Variants in ZNF385D observed in about 807,000 individuals in gnomAD.
ZNF385D encodes zinc finger protein 659.
Under a neutral mutation model 35.8 loss-of-function variants are expected in ZNF385D, and 15 were observed. The ratio of observed to expected loss-of-function variants is 0.42; its 90% CI spans 0.28 to 0.64. The LOEUF is 0.64. ZNF385D is among the 30% of genes least tolerant of loss of function. The pLI is 0.23. For synonymous variants in ZNF385D, 212 were observed against 186.8 expected (o/e 1.13, Z -1.10); for missense variants, 474 against 494.6 (o/e 0.96, Z 0.39).
chr3:21,764,794 A>C (rs1369568480), intron 3 of ZNF385D, among the ~76,000 whole-genome samples: 3 of 152,132 alleles, frequency 2.0e-5, no homozygotes, highest in Non-Finnish European at 4.4e-5. Context: ...GCATGGAAGA[A>C]ATGACACTTT....
Position 22,323,503 on chromosome 3 carries a change from T to C in ZNF385D, c.106+48947A>G, listed in dbSNP as rs752435833. ...CTACTAGCTGAATAATGCTAACACA[T>C]TGAGGTAAATGCTTAAGAATACAAA... On this transcript the variant is annotated intron_variant, in intron 2 of 5. Transcript: ENST00000494108. Among the ~76,000 whole-genome samples the C allele has an allele frequency of 3.3e-5, 5 of 152,032 alleles. No homozygotes were observed. The East Asian group carries it at 7.7e-4, about 24-fold the overall frequency.
chr3:21,661,406 G>A (rs1279141399), intron 2 of ZNF385D, among the ~76,000 whole-genome samples: 2 of 152,126 alleles, frequency 1.3e-5, no homozygotes, highest in African/African-American at 4.8e-5. Flanking sequence ...AACATAATCT[G>A]TTTTCACTGT....
chr3:21,752,608 T>C (rs2070154815), upstream of ZNF385D, among the ~76,000 whole-genome samples: 2 of 152,066 alleles, frequency 1.3e-5, no homozygotes, highest in African/African-American at 4.8e-5. Flanking sequence ...CGCTAGATTA[T>C]AAAGAATTTG....
At chr3:22,243,023 C>A (rs1379869788) in intron 2 of ZNF385D, among the ~76,000 whole-genome samples, 1 of 150,920 alleles carries the variant, frequency 6.6e-6, no homozygotes, top group Non-Finnish European at 1.5e-5. Context: ...AACAAAATAA[C>A]ACAGTAGATA....
chr3:21,638,887 A>T (rs980460676), intron 2 of ZNF385D, among the ~76,000 whole-genome samples: 8 of 152,092 alleles, frequency 5.3e-5, no homozygotes, highest in Non-Finnish European at 1.0e-4. Context: ...ATCTAGAGAA[A>T]TTTCCTCAGT....
intron 3 of ZNF385D, among the ~76,000 whole-genome samples, chr3:21,946,639 C>A (rs1334798846): frequency 6.6e-6 from 1 of 152,052 alleles, no homozygotes; most frequent in East Asian, 1.9e-4. Flanking sequence ...GGAGACCAGC[C>A]TGGCTAACAA....
chr3:21,758,287 G>C (rs2070436535), intron 3 of ZNF385D, among the ~76,000 whole-genome samples: 1 of 152,190 alleles, frequency 6.6e-6, no homozygotes, highest in Non-Finnish European at 1.5e-5. Context: ...ACATATCCTA[G>C]AACATAGCAG....
chr3:21,932,003 T>C (rs948178059), intron 3 of ZNF385D, among the ~76,000 whole-genome samples: 4 of 151,400 alleles, frequency 2.6e-5, no homozygotes, highest in African/African-American at 9.7e-5. Flanking sequence ...CCGTCTCTAC[T>C]AAAAATACAA....
At chr3:22,150,277 C>A (rs1025147661) in intron 3 of ZNF385D, among the ~76,000 whole-genome samples, 10 of 152,116 alleles carry the variant, frequency 6.6e-5, no homozygotes, top group African/African-American at 2.2e-4. Flanking sequence ...CATCTCAAAG[C>A]TAGGCATTAA....
intron 3 of ZNF385D, among the ~76,000 whole-genome samples, chr3:22,166,209 G>T (rs7626875): frequency 0.23 from 34,854 of 151,852 alleles, 5,637 homozygotes; most frequent in African/African-American, 0.46. Context: ...TTAGTAATGA[G>T]AGGTCACTGA....
intron 3 of ZNF385D, among the ~76,000 whole-genome samples, chr3:21,806,155 CT>C (rs1023470341): frequency 6.6e-6 from 1 of 151,822 alleles, no homozygotes; most frequent in African/African-American, 2.4e-5. Flanking sequence ...CTTTCTCCCC[CT>C]CTCTTTCACT....
At chr3:21,534,664 C>G (rs1575121661) in intron 3 of ZNF385D, among the ~76,000 whole-genome samples, 1 of 152,076 alleles carries the variant, frequency 6.6e-6, no homozygotes, top group African/African-American at 2.4e-5. Flanking sequence ...TCTTAACTTA[C>G]AGCCAAGTTA....
At chr3:21,830,948 T>G (rs1206852537) in intron 3 of ZNF385D, among the ~76,000 whole-genome samples, 1 of 152,132 alleles carries the variant, frequency 6.6e-6, no homozygotes, top group African/African-American at 2.4e-5. Context: ...AGTTGGTGAA[T>G]AAGATATTCT....
At chr3:22,147,416 C>G (rs1704931888) in intron 3 of ZNF385D, among the ~76,000 whole-genome samples, 1 of 152,132 alleles carries the variant, frequency 6.6e-6, no homozygotes, top group Non-Finnish European at 1.5e-5. Context: ...TCCACGAATG[C>G]TATCCTGAGG....
chr3:22,011,091 A>G (rs960097576), intron 3 of ZNF385D, among the ~76,000 whole-genome samples: 1 of 152,120 alleles, frequency 6.6e-6, no homozygotes, highest in African/African-American at 2.4e-5. Context: ...ATCATCCCCA[A>G]ATTGTTTCCA....
At chr3:22,352,650 T>C (rs758598241) in intron 2 of ZNF385D, among the ~76,000 whole-genome samples, 3 of 152,162 alleles carry the variant, frequency 2.0e-5, no homozygotes, top group Non-Finnish European at 4.4e-5. Flanking sequence ...ACTAAAGGTT[T>C]ATGTACAAAC....
intron 3 of ZNF385D, chr3:21,777,735 T>G (rs906256972): frequency 6.6e-6 from 1 of 151,974 alleles, no homozygotes; most frequent in Admixed American, 6.6e-5. Context: ...AACTACTGCC[T>G]TATTTTGTAC....
intron 1 of ZNF385D, among the ~76,000 whole-genome samples, chr3:21,672,336 C>A (rs1314943599): frequency 1.3e-5 from 2 of 150,772 alleles, no homozygotes; most frequent in African/African-American, 4.9e-5. Flanking sequence ...GAAAGTTGAT[C>A]CAGCACTTAC....
intron 2 of ZNF385D, among the ~76,000 whole-genome samples, chr3:21,576,938 G>A (rs1230449430): frequency 3.3e-5 from 5 of 151,946 alleles, no homozygotes; most frequent in South Asian, 4.1e-4. Context: ...ACCTTTATAC[G>A]ATGTCTAATG....
Sources: allele counts gnomAD v4.1 joint callset (sites outside exome capture counted in the v4.1 genomes callset), GRCh38; gene constraint gnomAD v4.1.1; transcripts MANE v1.5; gene names NCBI Gene and HGNC (gene_info 2026-07-23, HGNC 2026-07-21).